Variants in IL1R1 observed in about 807,000 individuals in gnomAD.
The protein encoded by IL1R1 is interleukin 1 receptor type 1.
In IL1R1, 22 loss-of-function variants were observed where a neutral mutation model predicts 50.2. The ratio of observed to expected loss-of-function variants is 0.44; its 90% confidence interval spans 0.31 to 0.63. IL1R1 has a LOEUF of 0.63. Among genes scored for constraint, IL1R1 ranks in the 20% least tolerant of loss-of-function variants. IL1R1 has a pLI of 0.07. For synonymous variants in IL1R1, 251 were observed against 236.7 expected (o/e 1.06, Z -0.55); for missense variants, 509 against 676.2 (o/e 0.75, Z 2.74).
At chr2:102,145,329 C>T (rs1242339685) in intron 1 of IL1R1, among the ~76,000 whole-genome samples, 1 of 152,142 alleles carries the variant, frequency 6.6e-6, no homozygotes, top group Non-Finnish European at 1.5e-5. Context: ...TTTTTCTCCT[C>T]TGGTTGTCTG....
intron 1 of IL1R1, among the ~76,000 whole-genome samples, chr2:102,079,597 G>T (rs538527267): frequency 6.6e-6 from 1 of 151,908 alleles, no homozygotes; most frequent in African/African-American, 2.4e-5. Context: ...TTTTAAAATC[G>T]CTCAATTAAT....
chr2:102,108,434 G>C (rs1680548599), intron 1 of IL1R1, among the ~76,000 whole-genome samples: 3 of 152,032 alleles, frequency 2.0e-5, no homozygotes, highest in African/African-American at 7.3e-5. Context: ...CATGGGCTTT[G>C]CTCAGCTCCC....
intron 1 of IL1R1, among the ~76,000 whole-genome samples, chr2:102,125,197 C>T (rs1681636455): frequency 6.6e-6 from 1 of 152,216 alleles, no homozygotes; most frequent in African/African-American, 2.4e-5. Context: ...TGCCTTTACT[C>T]TGTAGAGTGT....
chr2:102,162,922 C>G (rs1229996829), intron 3 of IL1R1, among the ~76,000 whole-genome samples: 2 of 152,020 alleles, frequency 1.3e-5, no homozygotes, highest in Non-Finnish European at 1.5e-5. Flanking sequence ...TTAAATATTT[C>G]TTGTAATGCA....
At chr2:102,123,776 TTAATA>T (rs1681533332) in intron 1 of IL1R1, among the ~76,000 whole-genome samples, 1 of 105,130 alleles carries the variant, frequency 9.5e-6, no homozygotes, top group Non-Finnish European at 1.8e-5. Context: ...AGACTGTGTC[TTAATA>T]AAATAAAATA....
intron 3 of IL1R1, among the ~76,000 whole-genome samples, chr2:102,158,395 A>G (rs1271733491): frequency 1.3e-5 from 2 of 152,200 alleles, no homozygotes; most frequent in Middle Eastern, 3.2e-3. Context: ...AAAAAAGAGT[A>G]TAAGGTTTTG....
chr2:102,175,994 A>C, intron 11 of IL1R1: 1 of 462,606 alleles, frequency 2.2e-6, no homozygotes, highest in Non-Finnish European at 3.8e-6. Context: ...TAAATGAAAT[A>C]TTTGTCTTTT....
intron 7 of IL1R1, among the ~76,000 whole-genome samples, chr2:102,169,114 G>T (rs1026050714): frequency 3.3e-5 from 5 of 152,220 alleles, no homozygotes; most frequent in African/African-American, 9.6e-5. Flanking sequence ...AACTTCTGAA[G>T]AATTGATCAT....
intron 1 of IL1R1, among the ~76,000 whole-genome samples, chr2:102,072,067 G>A (rs1320642895): frequency 7.9e-5 from 12 of 151,810 alleles, no homozygotes; most frequent in Admixed American, 7.9e-4. Context: ...AGACCACCCT[G>A]GCTGACACGG....
intron 1 of IL1R1, among the ~76,000 whole-genome samples, chr2:102,081,963 C>T (rs751397643): frequency 3.3e-5 from 5 of 152,176 alleles, no homozygotes; most frequent in South Asian, 4.1e-4. Flanking sequence ...AGAGCATTTT[C>T]GTTTATTGTT....
chr2:102,088,420 CT>C (rs546684143), intron 1 of IL1R1, among the ~76,000 whole-genome samples: 1,580 of 147,866 alleles, frequency 0.011, 23 homozygotes, highest in African/African-American at 0.034. Context: ...TTACAGGAAT[CT>C]TTTTTTTTTT....
At chr2:102,164,649 GTAA>G in intron 3 of IL1R1, 122 bp from the exon 4 acceptor site, 1 of 666,378 alleles carries the variant, frequency 1.5e-6, no homozygotes, top group Non-Finnish European at 2.6e-6. Flanking sequence ...TCACAAGGCT[GTAA>G]AGCTTTTATA....
chr2:102,113,357 C>T (rs537405049), intron 1 of IL1R1, among the ~76,000 whole-genome samples: 1 of 152,328 alleles, frequency 6.6e-6, no homozygotes, highest in African/African-American at 2.4e-5. Context: ...AGTTATCCAT[C>T]TTTTCTCCGA....
chr2:102,115,898 C>T (rs1681044129), intron 1 of IL1R1, among the ~76,000 whole-genome samples: 1 of 152,194 alleles, frequency 6.6e-6, no homozygotes, highest in Non-Finnish European at 1.5e-5. Context: ...TGAGGAGCAT[C>T]TGGAATGCTA....
intron 1 of IL1R1, among the ~76,000 whole-genome samples, chr2:102,144,448 A>C (rs907455522): frequency 2.0e-5 from 3 of 152,146 alleles, no homozygotes; most frequent in African/African-American, 7.2e-5. Context: ...CTTGTATGTC[A>C]TAATGTGACA....
At chr2:102,075,065 C>T (rs77341705) in intron 1 of IL1R1, among the ~76,000 whole-genome samples, 2,861 of 151,946 alleles carry the variant, frequency 0.019, 55 homozygotes, top group East Asian at 0.097. Context: ...TTGAGTTGGA[C>T]CTTGGCAAAG....
intron 1 of IL1R1, among the ~76,000 whole-genome samples, chr2:102,120,938 A>C (rs976604569): frequency 3.9e-5 from 6 of 152,300 alleles, no homozygotes; most frequent in African/African-American, 2.4e-5. Flanking sequence ...AGCAGAACAT[A>C]GGTATTATGA....
At chr2:102,157,332 G>T (rs1421912564) in intron 2 of IL1R1, among the ~76,000 whole-genome samples, 1 of 152,062 alleles carries the variant, frequency 6.6e-6, no homozygotes, top group Non-Finnish European at 1.5e-5. Flanking sequence ...GGACATAAGT[G>T]GGGAACCAAT....
At chr2:102,163,744 C>T (rs1684929837) in intron 3 of IL1R1, among the ~76,000 whole-genome samples, 1 of 151,962 alleles carries the variant, frequency 6.6e-6, no homozygotes, top group African/African-American at 2.4e-5. Flanking sequence ...TATGTTACTG[C>T]TTCTTTGCAT....
Sources: gnomAD v4.1 joint callset for allele counts (sites outside exome capture counted in the v4.1 genomes callset) on GRCh38, gnomAD v4.1.1 for gene constraint, MANE v1.5 for transcripts, NCBI Gene and HGNC (gene_info 2026-07-23, HGNC 2026-07-21) for gene names.